CAMKMT: variants seen among roughly 807,000 people sequenced by gnomAD.
CAMKMT encodes the protein CaM KMT.
Under a neutral mutation model 48.0 loss-of-function variants are expected in CAMKMT, and 53 were observed. The observed-to-expected ratio is 1.10, with a 90% CI of 0.89 to 1.39. The LOEUF is 1.39. Ranked by LOEUF, CAMKMT falls within the 40% of genes most tolerant of loss-of-function variation. CAMKMT has a pLI of 0.00. For synonymous variants in CAMKMT, 165 were observed against 152.3 expected (o/e 1.08, Z -0.61); for missense variants, 428 against 402.7 (o/e 1.06, Z -0.54).
At chr2:44,570,742 A>T (rs1242587769) in intron 3 of CAMKMT, among the ~76,000 whole-genome samples, 1 of 152,210 alleles carries the variant, frequency 6.6e-6, no homozygotes, top group Non-Finnish European at 1.5e-5. Context: ...AAAGCAAACG[A>T]ATAAAAAACA....
intron 3 of CAMKMT, among the ~76,000 whole-genome samples, chr2:44,419,160 AC>A (rs1436097205): frequency 6.6e-6 from 1 of 152,236 alleles, no homozygotes; most frequent in Non-Finnish European, 1.5e-5. Context: ...GCAAACTAAA[AC>A]TACTTTTCCA....
intron 3 of CAMKMT, among the ~76,000 whole-genome samples, chr2:44,470,727 C>A (rs58708735): frequency 6.6e-6 from 1 of 152,040 alleles, no homozygotes; most frequent in African/African-American, 2.4e-5. Context: ...AACAACCTTG[C>A]GTATTATCTG....
intron 3 of CAMKMT, among the ~76,000 whole-genome samples, chr2:44,431,067 A>G (rs1162863699): frequency 6.6e-6 from 1 of 152,196 alleles, no homozygotes; most frequent in African/African-American, 2.4e-5. Context: ...TGCAGGTGGC[A>G]TTGATTCAGG....
chr2:44,658,598 A>T (rs1674505158), intron 3 of CAMKMT, among the ~76,000 whole-genome samples: 1 of 152,194 alleles, frequency 6.6e-6, no homozygotes, highest in Non-Finnish European at 1.5e-5. Flanking sequence ...TGGCTTTTAT[A>T]CTTACAGCTG....
At chr2:44,546,408 T>C (rs1203559381) in intron 3 of CAMKMT, among the ~76,000 whole-genome samples, 1 of 152,188 alleles carries the variant, frequency 6.6e-6, no homozygotes, top group Non-Finnish European at 1.5e-5. Flanking sequence ...GCCACGACCA[T>C]TTCCATCATC....
intron 3 of CAMKMT, among the ~76,000 whole-genome samples, chr2:44,586,546 C>T (rs530279729): frequency 6.2e-4 from 94 of 152,190 alleles, no homozygotes; most frequent in African/African-American, 2.2e-3. Flanking sequence ...TTTCATCAGG[C>T]TTCTTTCACT....
intron 7 of CAMKMT, among the ~76,000 whole-genome samples, chr2:44,737,338 A>T (rs927903018): frequency 2.0e-5 from 3 of 152,048 alleles, no homozygotes; most frequent in Admixed American, 2.0e-4. Flanking sequence ...GCTGTTTTTG[A>T]ACGCCTGACC....
At position 44,683,133 on chromosome 2, in the gene CAMKMT, G is replaced by T. The variant is rs1421816224; in HGVS notation, c.377-21150G>T. Among the ~76,000 whole-genome samples the T allele has an allele frequency of 2.6e-5, 4 of 151,990 alleles. No individual in the cohort carries two copies. In the South Asian group the frequency reaches 8.3e-4, roughly 32 times the overall value. On this transcript the variant is annotated intron_variant, in intron 3 of 10. Coordinates refer to ENST00000378494, the MANE Select transcript of CAMKMT (RefSeq NM_024766.5). The stretch of plus-strand genomic sequence containing the variant: ...AGGTAAGCTGCAGCTGAATGTATCT[G>T]TAGCCTCTTCCACCAGCCAGTGTAT...
intron 3 of CAMKMT, among the ~76,000 whole-genome samples, chr2:44,423,727 T>C (rs1684082581): frequency 6.6e-6 from 1 of 152,210 alleles, no homozygotes; most frequent in African/African-American, 2.4e-5. Context: ...AATGGCTCAG[T>C]TTTTAAAATC....
intron 3 of CAMKMT, among the ~76,000 whole-genome samples, chr2:44,542,243 C>A (rs1239309333): frequency 6.6e-6 from 1 of 152,000 alleles, no homozygotes; most frequent in Admixed American, 6.6e-5. Context: ...CTTAAGGAGG[C>A]ACATAATTTC....
chr2:44,770,187 T>C (rs182208410), intron 10 of CAMKMT, among the ~76,000 whole-genome samples: 1 of 152,356 alleles, frequency 6.6e-6, no homozygotes, highest in East Asian at 1.9e-4. Flanking sequence ...AAGCAAGTAT[T>C]GGCTAAGAGC....
chr2:44,402,740 GT>G, intron 3 of CAMKMT, among the ~76,000 whole-genome samples: 7,154 of 94,188 alleles, frequency 0.076, 395 homozygotes, highest in East Asian at 0.3. Flanking sequence ...TTGTTTTGCT[GT>G]TTTTTTTTTT....
At chr2:44,553,266 G>T (rs1462244195) in intron 3 of CAMKMT, among the ~76,000 whole-genome samples, 6 of 151,800 alleles carry the variant, frequency 4.0e-5, no homozygotes, top group Non-Finnish European at 7.4e-5. Context: ...TTTATACTCT[G>T]TTCTCTCATA....
In CAMKMT at chr2:44,535,546, A is replaced by C. The variant is rs550748645; in HGVS notation, c.376+145241A>C. ...ATCAAAATGATAATACACCATGATC[A>C]AGTGGGATTTAAAACAGGGATGCAA... On this transcript the variant is annotated intron_variant, in intron 3 of 10. Coordinates refer to ENST00000378494, the MANE Select transcript of CAMKMT (RefSeq NM_024766.5). 8.8e-4 allele frequency among the ~76,000 whole-genome samples: 134 copies of C among 152,372 alleles called. 3 individuals are homozygous for C. The South Asian group carries it at 0.026, about 30-fold the overall frequency.
Position 44,604,562 on chromosome 2 carries a change from T to G in CAMKMT, c.377-99721T>G, listed in dbSNP as rs1341398707. 3.3e-5 allele frequency among the ~76,000 whole-genome samples: 5 copies of G among 151,726 alleles called. 1 individual carries two copies. In the East Asian group the frequency reaches 7.7e-4, roughly 23 times the overall value. ...AAACCTATGAAAGCCAATCTGGTTT[T>G]TTTTTTTTTTTTAACATTTTTAAAG... On this transcript the variant is annotated intron_variant, in intron 3 of 10. Coordinates refer to ENST00000378494, the MANE Select transcript of CAMKMT (RefSeq NM_024766.5).
chr2:44,648,938 A>G (rs1572992799), intron 3 of CAMKMT, among the ~76,000 whole-genome samples: 1 of 152,152 alleles, frequency 6.6e-6, no homozygotes, highest in Admixed American at 6.5e-5. Context: ...ACTACTATAA[A>G]CCCTTTCTTT....
intron 7 of CAMKMT, among the ~76,000 whole-genome samples, chr2:44,723,223 C>T (rs1047963381): frequency 1.3e-5 from 2 of 152,168 alleles, no homozygotes; most frequent in African/African-American, 2.4e-5. Context: ...GGAGCCCTCA[C>T]GTGGGGACCA....
intron 7 of CAMKMT, among the ~76,000 whole-genome samples, chr2:44,737,846 T>A (rs1264554947): frequency 6.6e-6 from 1 of 150,512 alleles, no homozygotes; most frequent in Non-Finnish European, 1.5e-5. Flanking sequence ...CTCAGTTCCA[T>A]CTTCTTTTTT....
intron 3 of CAMKMT, among the ~76,000 whole-genome samples, chr2:44,696,574 G>A (rs1014471784): frequency 6.6e-6 from 1 of 152,110 alleles, no homozygotes; most frequent in African/African-American, 2.4e-5. Context: ...GGGATTTTGG[G>A]CTTGGGAGAC....
Sources: allele counts gnomAD v4.1 joint callset (sites outside exome capture counted in the v4.1 genomes callset), GRCh38; gene constraint gnomAD v4.1.1; transcripts MANE v1.5; gene names NCBI Gene and HGNC (gene_info 2026-07-23, HGNC 2026-07-21).